The following PCGF6 variants were observed in gnomAD, a reference collection of about 807,000 sequenced individuals.
PCGF6 encodes the protein polycomb group RING finger protein 6.
In PCGF6, 24 loss-of-function variants were observed where a neutral mutation model predicts 45.5. The observed-to-expected ratio is 0.53, with a 90% CI of 0.38 to 0.74. The LOEUF is 0.74. Ranked by LOEUF, PCGF6 falls within the 30% of genes least tolerant of loss-of-function variation. The pLI is 0.00. For missense variants in PCGF6, 356 were observed against 443.2 expected (o/e 0.80, Z 1.77); for synonymous variants, 152 against 162.1 (o/e 0.94, Z 0.47).
At chr10:103,307,743 G>T (rs1158620197) in intron 9 of PCGF6, among the ~76,000 whole-genome samples, 2 of 152,248 alleles carry the variant, frequency 1.3e-5, no homozygotes, top group African/African-American at 4.8e-5. Context: ...AGAATACGGG[G>T]ATTACAGGTG....
intron 6 of PCGF6, among the ~76,000 whole-genome samples, chr10:103,339,808 AAAACACACACACACACACACACACACAC>A (rs2093272493): frequency 2.4e-4 from 19 of 78,026 alleles, no homozygotes; most frequent in Non-Finnish European, 4.1e-4. Context: ...TCTCAAAAAA[AAAACACACACACACACACACACACACAC>A]ACACACACAC....
chr10:103,347,176 A>C lies in PCGF6; in HGVS notation c.673+62T>G, dbSNP rs183908150. ...ACCCCCAAAAGGAACTTCAAAGGGC[A>C]TATATTTTATTGTTAGTATTCTTTA... On this transcript the variant is annotated intron_variant, in intron 5 of 9. Transcript: ENST00000369847. The C allele has an allele frequency of 2.3e-3, 3,019 of 1,303,588 alleles. 8 individuals carry two copies. Among genetic ancestry groups the C allele is most frequent in the Non-Finnish European group, 2.9e-3 (2,694 of 919,482 alleles). The allele number at this position is 1,303,588 out of a possible 1,614,324, so 80.8% of individuals were successfully genotyped here.
In PCGF6 at chr10:103,333,906, GA is replaced by G. The variant is rs745482899; in HGVS notation, c.810+18del. ...TACAGAGTCCTCTTGTGAAATGAATGAAAAAAAAAGTAAAATACCTTAAAAT... is the reference window on the plus strand; with the variant it reads ...TACAGAGTCCTCTTGTGAAATGAATGAAAAAAAAGTAAAATACCTTAAAAT... On this transcript the variant is annotated intron_variant, in intron 7 of 9. Coordinates refer to ENST00000369847, the MANE Select transcript of PCGF6 (RefSeq NM_001011663.2). 1.9e-4 allele frequency: 283 copies of G among 1,524,290 alleles called. 1 individual carries two copies. Among genetic ancestry groups the G allele is most frequent in the Admixed American group, 7.9e-4 (37 of 46,610 alleles). 94.4% of individuals were successfully genotyped at this position (1,524,290 alleles called of 1,614,324 possible). A position where few individuals can be genotyped will look rare whatever the true frequency, so the allele number is the denominator to read the frequency against.
intron 9 of PCGF6, among the ~76,000 whole-genome samples, chr10:103,305,262 C>A (rs532450232): frequency 2.0e-5 from 3 of 151,584 alleles, no homozygotes; most frequent in African/African-American, 7.3e-5. Context: ...GTGTGAGGCA[C>A]GCATCCAGCC....
At chr10:103,341,189 A>C (rs2093279364) in intron 6 of PCGF6, among the ~76,000 whole-genome samples, 1 of 150,378 alleles carries the variant, frequency 6.6e-6, no homozygotes. Flanking sequence ...AGATTGCGCC[A>C]TTGCACTCCA....
intron 8 of PCGF6, among the ~76,000 whole-genome samples, chr10:103,322,569 C>A (rs2093201584): frequency 6.6e-6 from 1 of 151,894 alleles, no homozygotes; most frequent in African/African-American, 2.4e-5. Context: ...GCCTGTAATC[C>A]CAGTACTTTG....
chr10:103,310,990 C>T (rs2093155296), intron 9 of PCGF6, among the ~76,000 whole-genome samples: 1 of 152,138 alleles, frequency 6.6e-6, no homozygotes, highest in Non-Finnish European at 1.5e-5. Context: ...GTATGCACAA[C>T]CATGTCTGCT....
intron 6 of PCGF6, among the ~76,000 whole-genome samples, chr10:103,343,410 T>C (rs2093288093): frequency 6.6e-6 from 1 of 152,060 alleles, no homozygotes; most frequent in Non-Finnish European, 1.5e-5. Flanking sequence ...AAAGGCATTT[T>C]AGTTTACTGG....
At chr10:103,333,802 T>C in intron 7 of PCGF6, 123 bp downstream of exon 7, 1 of 643,784 alleles carries the variant, frequency 1.6e-6, no homozygotes, top group South Asian at 2.5e-5. Flanking sequence ...ATCTATAATA[T>C]TATTAAATGT....
chr10:103,343,374 C>G lies in PCGF6; in HGVS notation c.782+1650G>C, dbSNP rs960024790. On this transcript the variant is annotated intron_variant, in intron 6 of 9. Coordinates refer to ENST00000369847, the MANE Select transcript of PCGF6 (RefSeq NM_001011663.2). The stretch of plus-strand genomic sequence containing the variant: ...AGTAAAATAGTCATCAGTGATACAA[C>G]ATGAGAAATCTAGATTTTTTCCAAG... Among the ~76,000 whole-genome samples, 60 of 151,928 alleles carry G rather than the reference C, an allele frequency of 3.9e-4. 1 individual carries two copies. Among genetic ancestry groups the G allele is most frequent in the African/African-American group, 1.4e-3 (58 of 41,452 alleles).
In PCGF6 at chr10:103,345,048, A is replaced by G. The variant is rs1229099067; in HGVS notation, c.758T>C (p.Met253Thr). 1.2e-6 allele frequency: 2 copies of G among 1,608,744 alleles called. No individual in the cohort carries two copies. Among genetic ancestry groups the G allele is most frequent in the Non-Finnish European group, 1.7e-6 (2 of 1,176,366 alleles). The change falls in exon 6 of 10, where the codon ATG (methionine) becomes ACG (threonine). Residue 253 changes from methionine (M) to threonine (T), a missense_variant. Met to Thr is a moderately conservative substitution (Grantham distance 81). This residue lies in a region of PCGF6 where 307 missense variants were observed against 350.1 expected (regional missense o/e 0.88). Transcript: ENST00000369847. ...SVFRIPPELD[M>T]SLLLEFIGAN... ...CCCAATGAACTCCAGTAATAAAGAC[A>G]TATCAAGTTCAGGTGGAATACGAAA...
At chr10:103,318,579 C>A (rs2093184728) in intron 8 of PCGF6, among the ~76,000 whole-genome samples, 1 of 151,416 alleles carries the variant, frequency 6.6e-6, no homozygotes, top group Non-Finnish European at 1.5e-5. Flanking sequence ...CCTGTCTCTA[C>A]CAAAAATACA....
intron 9 of PCGF6, among the ~76,000 whole-genome samples, chr10:103,306,377 T>G (rs2093138515): frequency 6.6e-6 from 1 of 152,044 alleles, no homozygotes; most frequent in Non-Finnish European, 1.5e-5. Context: ...GAATTATAGG[T>G]GTGAGCCACA....
At chr10:103,334,766 A>T (rs943203555) in intron 6 of PCGF6, among the ~76,000 whole-genome samples, 4 of 152,186 alleles carry the variant, frequency 2.6e-5, no homozygotes, top group Non-Finnish European at 5.9e-5. Flanking sequence ...CTTTTTGTTG[A>T]GAAAGTACTA....
intron 8 of PCGF6, among the ~76,000 whole-genome samples, chr10:103,320,358 A>G (rs530477520): frequency 1.3e-3 from 201 of 152,246 alleles, no homozygotes; most frequent in Non-Finnish European, 2.5e-3. Context: ...ATAATTATTG[A>G]TCTCTAAATT....
At chr10:103,320,417 T>C (rs947959321) in intron 8 of PCGF6, among the ~76,000 whole-genome samples, 1 of 152,172 alleles carries the variant, frequency 6.6e-6, no homozygotes, top group African/African-American at 2.4e-5. Flanking sequence ...CCGGGCGCGG[T>C]GGCTCACACT....
rs774363786 is a variant in PCGF6 at position 103,348,895 on chromosome 10, C to T, written c.460+5G>A. 5 of 1,609,018 alleles carry T rather than the reference C, an allele frequency of 3.1e-6. No individual in the cohort carries two copies. Among genetic ancestry groups the T allele is most frequent in the Non-Finnish European group, 4.3e-6 (5 of 1,176,046 alleles). ...ATTATTCAGAAATGTGATCGGTATG[C>T]TTACAGGTATGAAGACATTCTGTGA... On this transcript the variant is annotated splice_donor_5th_base_variant and intron_variant, in intron 2 of 9. Coordinates refer to ENST00000369847, the MANE Select transcript of PCGF6 (RefSeq NM_001011663.2).
chr10:103,333,701 T>G (rs1458739571), intron 7 of PCGF6, among the ~76,000 whole-genome samples: 1 of 152,148 alleles, frequency 6.6e-6, no homozygotes, highest in East Asian at 1.9e-4. Flanking sequence ...TAACATAGCA[T>G]TTGGTTTTAG....
intron 8 of PCGF6, among the ~76,000 whole-genome samples, chr10:103,325,066 C>A (rs551259467): frequency 6.0e-5 from 9 of 151,066 alleles, no homozygotes; most frequent in African/African-American, 2.2e-4. Context: ...ACCCGGGGGG[C>A]GGAAGTTGCA....
Sources: allele counts gnomAD v4.1 joint callset (sites outside exome capture counted in the v4.1 genomes callset), GRCh38; gene constraint gnomAD v4.1.1; regional missense constraint gnomAD v4.1.1; transcripts MANE v1.5; gene names NCBI Gene and HGNC (gene_info 2026-07-23, HGNC 2026-07-21).